Variants in SULT1C3 observed in about 807,000 individuals in gnomAD.
The protein encoded by SULT1C3 is sulfotransferase 1C3.
In SULT1C3, 31 loss-of-function variants were observed where a neutral mutation model predicts 28.4. The ratio of observed to expected loss-of-function variants is 1.09; its 90% CI spans 0.82 to 1.47. The LOEUF (loss-of-function observed/expected upper bound fraction) is 1.47. Ranked by LOEUF, SULT1C3 falls within the 40% of genes most tolerant of loss-of-function variation. The pLI is 0.00. For missense variants in SULT1C3, 307 were observed against 272.5 expected, an observed-to-expected ratio of 1.13 and a Z score of -0.89; for synonymous variants, 106 against 92.2, an observed-to-expected ratio of 1.15 and a Z score of -0.86.
downstream of SULT1C3, among the ~76,000 whole-genome samples, chr2:108,262,566 A>C (rs796957520): frequency 1.2e-4 from 18 of 152,278 alleles, no homozygotes; most frequent in African/African-American, 3.9e-4. Context: ...CATTTTGGCT[A>C]TCTAATGTTA....
At chr2:108,250,553 C>T (rs1485040876) in intron 2 of SULT1C3, among the ~76,000 whole-genome samples, 3 of 150,156 alleles carry the variant, frequency 2.0e-5, no homozygotes, top group African/African-American at 7.4e-5. Context: ...TAGAGATTCA[C>T]CCCCACCCCC....
downstream of SULT1C3, among the ~76,000 whole-genome samples, chr2:108,264,432 A>G (rs74332407): frequency 2.7e-3 from 409 of 152,278 alleles, 4 homozygotes; most frequent in African/African-American, 9.5e-3. Flanking sequence ...AGTTAGTTAT[A>G]CTATGCTTCA....
rs1675608476 is a variant in SULT1C3, at chr2:108,247,266, T to C, written c.72T>C (p.Asp24=). ...KPELFNIMEV[D]GVPTLILSKE... is the part of the protein sequence containing the mutation. ...AACTGTTTAACATCATGGAAGTAGA[T>C]GGAGTCCCTACGTTGATATTATCAA... is the stretch of plus-strand genomic sequence containing the variant. The change falls in exon 2 of 8, where the codon GAT becomes GAC. Residue 24 remains aspartate, a synonymous_variant. Transcript: ENST00000681802. 3 of 1,595,672 alleles carry C rather than the reference T, an allele frequency of 1.9e-6. No individual in the cohort carries two copies. The highest frequency in any genetic ancestry group is 2.6e-6 in the Non-Finnish European group (3 of 1,169,852).
chr2:108,244,836 A>C (rs1675540812), intron 1 of SULT1C3, among the ~76,000 whole-genome samples: 1 of 152,174 alleles, frequency 6.6e-6, no homozygotes, highest in Admixed American at 6.5e-5. Flanking sequence ...GGCCTGCCTG[A>C]TATGATTGCT....
chr2:108,253,769 T>C (rs765184381), intron 4 of SULT1C3, among the ~76,000 whole-genome samples: 14 of 152,006 alleles, frequency 9.2e-5, no homozygotes, highest in Non-Finnish European at 1.9e-4. Context: ...CCCTGTTGCT[T>C]TGCTCTGCCA....
In SULT1C3 at chr2:108,252,454, G is replaced by A. The variant is rs11903659; in HGVS notation, c.262G>A (p.Ala88Thr). Residue 88 changes from alanine (A) to threonine (T), a missense_variant, in exon 3 of 8, where the codon GCT becomes ACT. Transcript: ENST00000681802. ...AAGAGCCCAGACTCTAGATAGACACGCTTTCCTTGAACTGAAATTTCCCCA... is the reference window on the plus strand; with the variant it reads ...AAGAGCCCAGACTCTAGATAGACACACTTTCCTTGAACTGAAATTTCCCCA... Reference protein sequence around the residue: ...CKRAQTLDRHAFLELKFPHKE... With the variant: ...CKRAQTLDRHTFLELKFPHKE... 2,246 of 1,612,356 alleles carry A rather than the reference G, an allele frequency of 1.4e-3. 20 individuals are homozygous for A. The African/African-American group carries it at 0.024, about 17-fold the overall frequency.
At chr2:108,260,484 G>T in intron 7 of SULT1C3, 84 bp from the exon 8 acceptor site, 1 of 375,546 alleles carries the variant, frequency 2.7e-6, no homozygotes. Context: ...AAAATCACGT[G>T]GGTAGGCCTA....
downstream of SULT1C3, among the ~76,000 whole-genome samples, chr2:108,262,862 T>C (rs966521614): frequency 6.6e-6 from 1 of 152,218 alleles, no homozygotes; most frequent in African/African-American, 2.4e-5. Context: ...GAAGTTTTAT[T>C]TCTGTAACTG....
chr2:108,240,899 G>A (rs994739927), intron 1 of SULT1C3, among the ~76,000 whole-genome samples: 1 of 152,178 alleles, frequency 6.6e-6, no homozygotes, highest in African/African-American at 2.4e-5. Flanking sequence ...TTTGCATAAT[G>A]TGCAGCAAGA....
chr2:108,248,232 G>A (rs1675635129), intron 2 of SULT1C3, among the ~76,000 whole-genome samples: 1 of 152,124 alleles, frequency 6.6e-6, no homozygotes, highest in Admixed American at 6.6e-5. Flanking sequence ...GCATCCAAAA[G>A]AATGATCACT....
rs1345529876 is a variant in SULT1C3, at chr2:108,258,761, T to G, written c.554T>G (p.Val185Gly). ...GTTGGCGGGTCCTGGTTTGACCATGTGAAAGGATGGTGGGCTGCAAAAGAC... is the reference window on the plus strand; with the variant it reads ...GTTGGCGGGTCCTGGTTTGACCATGGGAAAGGATGGTGGGCTGCAAAAGAC... ...KVVGGSWFDHVKGWWAAKDMH... is the reference protein window; with the variant it reads ...KVVGGSWFDHGKGWWAAKDMH... The change falls in exon 6 of 8, where the codon GTG becomes GGG. Residue 185 changes from valine (V) to glycine (G), a missense_variant. Val to Gly is a moderately radical substitution (Grantham distance 109, BLOSUM62 -3). Coordinates refer to ENST00000681802, the MANE Select transcript of SULT1C3 (RefSeq NM_001320878.2). 4 of 1,612,798 alleles carry G rather than the reference T, an allele frequency of 2.5e-6. No individual in the cohort carries two copies. In the Admixed American group the frequency reaches 6.7e-5, roughly 27 times the overall value.
intron 4 of SULT1C3, 127 bp from the exon 5 acceptor site, chr2:108,255,445 C>G: frequency 9.0e-7 from 1 of 1,116,860 alleles, no homozygotes; most frequent in Non-Finnish European, 1.2e-6. Flanking sequence ...TGTTTTAATT[C>G]ATAACTAATG....
rs202034318 is a variant in SULT1C3 at position 108,259,101 on chromosome 2, C to G, written c.757C>G (p.Pro253Ala). ...DNPMANHTAV[P>A]AHIFNHSISK... ...TCCCATGGCCAACCATACTGCGGTA[C>G]CTGCTCACATATTCAATCACTCCAT... is the stretch of plus-strand genomic sequence containing the variant. Residue 253 changes from proline to alanine, a missense_variant, in exon 7 of 8, where the codon CCT (proline) becomes GCT (alanine). By Grantham distance (27) the Pro-to-Ala change is conservative. Transcript: ENST00000681802. 1.1e-5 allele frequency: 6 copies of G among 552,972 alleles called. No homozygotes were observed. The highest frequency in any genetic ancestry group is 2.0e-5 in the South Asian group (1 of 50,270). 34.3% of individuals were successfully genotyped at this position (552,972 alleles called of 1,614,324 possible).
chr2:108,247,726 A>C (rs574210999), intron 2 of SULT1C3, among the ~76,000 whole-genome samples: 2 of 152,284 alleles, frequency 1.3e-5, no homozygotes, highest in Non-Finnish European at 2.9e-5. Context: ...TCCAAATATT[A>C]ATCTATTATC....
At chr2:108,256,251 T>C (rs1394507698) in intron 5 of SULT1C3, among the ~76,000 whole-genome samples, 3 of 152,038 alleles carry the variant, frequency 2.0e-5, no homozygotes, top group Non-Finnish European at 2.9e-5. Flanking sequence ...GGCCACACTT[T>C]TCAAAATAGC....
chr2:108,242,417 C>A lies in SULT1C3; in HGVS notation c.-8+2334C>A, dbSNP rs375546038. ...CCCTTGGAGGAGCAGGGTCAGGTAC[C>A]ATGCATTTTTTAGTGCCTAATAAGC... On this transcript the variant is annotated intron_variant, in intron 1 of 7. Coordinates refer to ENST00000681802, the MANE Select transcript of SULT1C3 (RefSeq NM_001320878.2). Among the ~76,000 whole-genome samples the A allele has an allele frequency of 3.9e-5, 6 of 152,214 alleles. No individual in the cohort carries two copies. In the East Asian group the frequency reaches 9.7e-4, roughly 24 times the overall value.
chr2:108,253,133 TA>T (rs1190989073), intron 3 of SULT1C3, among the ~76,000 whole-genome samples: 1 of 152,066 alleles, frequency 6.6e-6, no homozygotes, highest in East Asian at 1.9e-4. Flanking sequence ...CCTGAAAGTC[TA>T]AAAGCTGAGA....
In SULT1C3 at chr2:108,255,588, G is replaced by A; in HGVS notation, c.416G>A (p.Arg139Lys). Residue 139 changes from arginine (R) to lysine (K), a missense_variant, in exon 5 of 8, where the codon AGA (arginine) becomes AAA (lysine). Physicochemically the swap from Arg to Lys is conservative, Grantham distance 26. Transcript: ENST00000681802. ...KENCKIVYVA[R>K]NPKDCLVSYY... ...TGATTTCAGATTGTCTATGTGGCCAGAAATCCCAAGGATTGCCTGGTGTCC... is the reference window on the plus strand; with the variant it reads ...TGATTTCAGATTGTCTATGTGGCCAAAAATCCCAAGGATTGCCTGGTGTCC... 6.2e-7 allele frequency: 1 copy of A among 1,611,568 alleles called. No individual in the cohort carries two copies.
At chr2:108,260,958 C>T (rs13005888), downstream of SULT1C3, among the ~76,000 whole-genome samples, 102,708 of 151,966 alleles carry the variant, frequency 0.68, 34,946 homozygotes, top group East Asian at 0.84. Flanking sequence ...GCATGACAGA[C>T]AGAGCAAAAA....
Sources: gnomAD v4.1 joint callset for allele counts (sites outside exome capture counted in the v4.1 genomes callset) on GRCh38, gnomAD v4.1.1 for gene constraint, MANE v1.5 for transcripts, NCBI Gene and HGNC (gene_info 2026-07-23, HGNC 2026-07-21) for gene names.